APBB1IP: variants seen among roughly 807,000 people sequenced by gnomAD.
The protein encoded by APBB1IP is amyloid beta A4 precursor protein-binding family B member 1-interacting protein.
A neutral mutation model predicts 64.9 loss-of-function variants in APBB1IP; 27 were observed. The ratio of observed to expected loss-of-function variants is 0.42; its 90% confidence interval spans 0.31 to 0.57. APBB1IP has a LOEUF of 0.57. Ranked by LOEUF, APBB1IP falls within the 20% of genes least tolerant of loss-of-function variation. The pLI is 0.20. For synonymous variants in APBB1IP, 392 were observed against 331.0 expected (o/e 1.18, Z -2.00); for missense variants, 812 against 845.5 (o/e 0.96, Z 0.49).
At chr10:26,488,447 G>T (rs977387964) in intron 2 of APBB1IP, among the ~76,000 whole-genome samples, 4 of 152,046 alleles carry the variant, frequency 2.6e-5, no homozygotes, top group Non-Finnish European at 4.4e-5. Flanking sequence ...TGCCCAGGCT[G>T]GTTTCAAACT....
At chr10:26,528,869 G>A (rs1348657740) in intron 8 of APBB1IP, among the ~76,000 whole-genome samples, 9 of 152,164 alleles carry the variant, frequency 5.9e-5, no homozygotes, top group Non-Finnish European at 7.4e-5. Flanking sequence ...CCTGGGAGGC[G>A]GAGGTTGCAG....
intron 14 of APBB1IP, among the ~76,000 whole-genome samples, chr10:26,563,136 C>A (rs142642312): frequency 7.2e-5 from 11 of 152,072 alleles, no homozygotes; most frequent in African/African-American, 2.4e-4. Flanking sequence ...AGTCTGAAGC[C>A]CTATATGAAG....
chr10:26,503,283 T>C lies in APBB1IP; in HGVS notation c.531+9T>C, dbSNP rs199955004. The C allele has an allele frequency of 9.5e-5, 153 of 1,613,738 alleles. No homozygotes were observed. The highest frequency in any genetic ancestry group is 1.2e-5 in the Non-Finnish European group (14 of 1,179,858). ...AGGCCAAGGTTAAGAAGGTGAATCA[T>C]GAATCCCTTTTGCATGGGGGCAGTT... On this transcript the variant is annotated intron_variant, in intron 6 of 14. Coordinates refer to ENST00000376236, the MANE Select transcript of APBB1IP (RefSeq NM_019043.4).
intron 2 of APBB1IP, among the ~76,000 whole-genome samples, chr10:26,447,170 G>T (rs752251787): frequency 6.6e-6 from 1 of 151,688 alleles, no homozygotes; most frequent in African/African-American, 2.4e-5. Context: ...TCAGGAGATC[G>T]AGACCATCCT....
rs1254936244 is a variant in APBB1IP, at chr10:26,482,054, C to CCT, written c.1-10272_1-10271dup. On this transcript the variant is annotated intron_variant, in intron 2 of 14. Transcript: ENST00000376236. Reference sequence around the variant, plus strand: ...TGGCTGTCCCTTCTGTGTGACCCTACCTATGTATATACACATGTCCATATG... The same window carrying CCT: ...TGGCTGTCCCTTCTGTGTGACCCTACCTCTATGTATATACACATGTCCATATG... Among the ~76,000 whole-genome samples, 10 of 152,084 alleles carry CCT rather than the reference C, an allele frequency of 6.6e-5. No homozygotes were observed. The South Asian group carries it at 1.2e-3, about 19-fold the overall frequency.
intron 2 of APBB1IP, among the ~76,000 whole-genome samples, chr10:26,478,714 G>A (rs573688016): frequency 6.6e-6 from 1 of 152,238 alleles, no homozygotes; most frequent in South Asian, 2.1e-4. Context: ...AGAGCACCAA[G>A]GGAGTGAGTG....
rs936448255 is a variant in APBB1IP at position 26,513,406 on chromosome 10, C to T, written c.692-133C>T. 4.5e-6 allele frequency: 4 copies of T among 894,140 alleles called. No individual in the cohort carries two copies. The African/African-American group carries it at 5.1e-5, about 11-fold the overall frequency. 55.4% of individuals were successfully genotyped at this position (894,140 alleles called of 1,614,324 possible). On this transcript the variant is annotated intron_variant, in intron 7 of 14. Coordinates refer to ENST00000376236, the MANE Select transcript of APBB1IP (RefSeq NM_019043.4). ...TAATAGAAATGTTACAGTGTGGCAT[C>T]ATGTGAGAATTATTAATAAGAATCC...
At chr10:26,472,228 T>C (rs899678190) in intron 2 of APBB1IP, among the ~76,000 whole-genome samples, 1 of 152,216 alleles carries the variant, frequency 6.6e-6, no homozygotes, top group Non-Finnish European at 1.5e-5. Context: ...GCTCAGATCA[T>C]CATATCTTGA....
At chr10:26,516,944 G>T (rs1836339349) in intron 8 of APBB1IP, among the ~76,000 whole-genome samples, 1 of 152,152 alleles carries the variant, frequency 6.6e-6, no homozygotes, top group African/African-American at 2.4e-5. Context: ...CCTTTGTTGA[G>T]TATATTTATT....
chr10:26,523,957 C>A (rs1836437894), intron 8 of APBB1IP, among the ~76,000 whole-genome samples: 1 of 152,062 alleles, frequency 6.6e-6, no homozygotes, highest in Admixed American at 6.5e-5. Context: ...TTTATGTCAT[C>A]ATTTCTCATC....
intron 6 of APBB1IP, among the ~76,000 whole-genome samples, chr10:26,503,712 T>C (rs1836135599): frequency 6.6e-6 from 1 of 152,226 alleles, no homozygotes; most frequent in South Asian, 2.1e-4. Context: ...CAAAAACTTT[T>C]AAGGACAAAG....
intron 12 of APBB1IP, 140 bp downstream of exon 12, chr10:26,560,343 G>C (rs1836951239): frequency 4.0e-6 from 3 of 742,330 alleles, no homozygotes; most frequent in Admixed American, 4.9e-5. Context: ...TTCGCCCAGT[G>C]GGTTTTCTAA....
At chr10:26,537,616 A>C (rs185543567) in intron 10 of APBB1IP, among the ~76,000 whole-genome samples, 13 of 152,312 alleles carry the variant, frequency 8.5e-5, no homozygotes, top group Non-Finnish European at 1.6e-4. Flanking sequence ...AACAAACAAT[A>C]TACTCTGTGA....
At chr10:26,510,734 TCACACACACACACACA>T (rs1554776713) in intron 6 of APBB1IP, among the ~76,000 whole-genome samples, 3 of 135,892 alleles carry the variant, frequency 2.2e-5, no homozygotes, top group Non-Finnish European at 3.2e-5. Context: ...AGACCCTGTC[TCACACACACACACACA>T]CACACACACA....
intron 11 of APBB1IP, among the ~76,000 whole-genome samples, chr10:26,551,168 C>G (rs1296864481): frequency 6.6e-6 from 1 of 152,192 alleles, no homozygotes; most frequent in Non-Finnish European, 1.5e-5. Flanking sequence ...CCAAATTTGT[C>G]CACCTGGCTG....
intron 6 of APBB1IP, among the ~76,000 whole-genome samples, chr10:26,506,608 T>G (rs543570882): frequency 2.0e-5 from 3 of 151,652 alleles, no homozygotes; most frequent in African/African-American, 7.3e-5. Flanking sequence ...CTTTGGGAGG[T>G]TGAAGTGGGA....
chr10:26,508,730 G>T (rs1836215567), intron 6 of APBB1IP, among the ~76,000 whole-genome samples: 1 of 151,992 alleles, frequency 6.6e-6, no homozygotes, highest in Non-Finnish European at 1.5e-5. Context: ...ACATCACAAG[G>T]CTTCTCTTGG....
intron 3 of APBB1IP, among the ~76,000 whole-genome samples, chr10:26,493,119 C>T (rs758967582): frequency 1.4e-4 from 21 of 152,130 alleles, no homozygotes; most frequent in Non-Finnish European, 2.6e-4. Context: ...TACCCGTTTT[C>T]GGTAATAAGA....
intron 11 of APBB1IP, among the ~76,000 whole-genome samples, chr10:26,559,808 T>C (rs151251455): frequency 0.013 from 1,981 of 151,982 alleles, 22 homozygotes; most frequent in South Asian, 0.027. Context: ...TTTTTCTTTT[T>C]TCTTTTTGGA....
Sources: allele counts gnomAD v4.1 joint callset (sites outside exome capture counted in the v4.1 genomes callset), GRCh38; gene constraint gnomAD v4.1.1; transcripts MANE v1.5; gene names NCBI Gene and HGNC (gene_info 2026-07-23, HGNC 2026-07-21).